Variants in ADAM20 observed in about 807,000 individuals in gnomAD.
The protein encoded by ADAM20 is ADAM metallopeptidase domain 20.
For synonymous variants in ADAM20, 305 were observed against 310.2 expected, an observed-to-expected ratio of 0.98 and a Z score of 0.18; for missense variants, 871 against 883.2, an observed-to-expected ratio of 0.99 and a Z score of 0.18.
chr14:70,554,115 AT>A, the ADAM20 span, among the ~76,000 whole-genome samples: 1 of 152,226 alleles, frequency 6.6e-6, no homozygotes, highest in African/African-American at 2.4e-5. Flanking sequence ...GCATTTCTAT[AT>A]GATAACAGTG....
the ADAM20 span, among the ~76,000 whole-genome samples, chr14:70,570,327 A>C: frequency 6.6e-6 from 1 of 152,170 alleles, no homozygotes; most frequent in Non-Finnish European, 1.5e-5. Flanking sequence ...ACAACAAAGC[A>C]TCAACAAAAT....
At chr14:70,528,546 T>C (rs982161844) in intron 1 of ADAM20, among the ~76,000 whole-genome samples, 4 of 152,226 alleles carry the variant, frequency 2.6e-5, no homozygotes, top group Admixed American at 6.5e-5. Flanking sequence ...CCAGGTAGAA[T>C]TGGAGAATCC....
the ADAM20 span, among the ~76,000 whole-genome samples, chr14:70,555,875 CCT>C: frequency 2.0e-4 from 30 of 152,330 alleles, 1 homozygote; most frequent in Admixed American, 2.0e-3. Flanking sequence ...CTCCGTTAAA[CCT>C]CTCTCCTGCC....
At chr14:70,543,091 T>A in the ADAM20 span, among the ~76,000 whole-genome samples, 1 of 152,242 alleles carries the variant, frequency 6.6e-6, no homozygotes, top group Non-Finnish European at 1.5e-5. Context: ...TTTCAAAAAC[T>A]ATTGCACACC....
chr14:70,522,562 T>C lies in ADAM20; in HGVS notation c.*15A>G, dbSNP rs377263674. 4.5e-6 allele frequency: 7 copies of C among 1,547,198 alleles called. No homozygotes were observed. The African/African-American group carries it at 8.3e-5, about 18-fold the overall frequency. The stretch of plus-strand genomic sequence containing the variant: ...TGAAGTATAAAGTTTAGTCTCCTTC[T>C]TTTTCCCATTTCTCTTATCCTTCTT... On this transcript the variant is annotated 3_prime_UTR_variant, in exon 2 of 2. Transcript: ENST00000256389.
chr14:70,556,516 C>A, the ADAM20 span: 2 of 152,200 alleles, frequency 1.3e-5, no homozygotes, highest in Non-Finnish European at 2.9e-5. Flanking sequence ...ACCAAGCAAA[C>A]TTATGAAATC....
rs779433786 is a variant in ADAM20 at position 70,523,684 on chromosome 14, C to T, written c.1074G>A (p.Val358=). Residue 358 remains valine (V), a synonymous_variant, in exon 2 of 2, where the codon GTG becomes GTA. Coordinates refer to ENST00000256389, the MANE Select transcript of ADAM20 (RefSeq NM_003814.5). ...GCATTATGCACCACTGTAGCTCGCA[C>T]ACACACCACTGGGTGTCATGTTGCA... is the stretch of plus-strand genomic sequence containing the variant. ...LGMQHDTQWC[V]CELQWCIMHA... 22 of 1,614,098 alleles carry T rather than the reference C, an allele frequency of 1.4e-5. No homozygotes were observed. Among genetic ancestry groups the T allele is most frequent in the Non-Finnish European group, 1.9e-5 (22 of 1,179,978 alleles).
chr14:70,547,256 C>T, the ADAM20 span: 1 of 152,338 alleles, frequency 6.6e-6, no homozygotes, highest in Non-Finnish European at 1.5e-5. Context: ...TTGCTGAATT[C>T]TACTCAAGCT....
At chr14:70,565,468 A>T in the ADAM20 span, among the ~76,000 whole-genome samples, 1 of 152,192 alleles carries the variant, frequency 6.6e-6, no homozygotes, top group African/African-American at 2.4e-5. Flanking sequence ...CATTATAGTC[A>T]AAATGTCAAA....
Position 70,522,434 on chromosome 14 carries a change from G to T in ADAM20, c.*143C>A. The T allele has an allele frequency of 1.2e-6, 1 of 824,718 alleles. No homozygotes were observed. The highest frequency in any genetic ancestry group is 1.8e-6 in the Non-Finnish European group (1 of 543,318). 51.1% of individuals were successfully genotyped at this position (824,718 alleles called of 1,614,324 possible). ...GAATAGGCTAGGAATCCTTTGCTGT[G>T]ATAGCTAATGCTTGCAATCCTGACA... On this transcript the variant is annotated 3_prime_UTR_variant, in exon 2 of 2. Transcript: ENST00000256389.
chr14:70,534,046 G>A (rs1174490994), intron 1 of ADAM20, among the ~76,000 whole-genome samples: 2 of 123,132 alleles, frequency 1.6e-5, no homozygotes, highest in African/African-American at 6.3e-5. Context: ...TTGGGCCACC[G>A]TACTCTAGTC....
At chr14:70,532,603 G>C (rs191422232) in intron 1 of ADAM20, among the ~76,000 whole-genome samples, 39 of 152,294 alleles carry the variant, frequency 2.6e-4, no homozygotes, top group Non-Finnish European at 4.1e-4. Context: ...ATTGATGCAA[G>C]TATGTAGGGT....
chr14:70,526,399 G>C (rs1362485260), intron 1 of ADAM20, among the ~76,000 whole-genome samples: 1 of 152,126 alleles, frequency 6.6e-6, no homozygotes, highest in Non-Finnish European at 1.5e-5. Context: ...AGGATCACTA[G>C]ATGAGACCTC....
At chr14:70,541,641 C>T in the ADAM20 span, among the ~76,000 whole-genome samples, 1 of 152,046 alleles carries the variant, frequency 6.6e-6, no homozygotes, top group East Asian at 1.9e-4. Context: ...AAAGGTAAAA[C>T]TTGGCTTATT....
chr14:70,537,926 C>T (rs528660620), upstream of ADAM20, among the ~76,000 whole-genome samples: 89 of 152,216 alleles, frequency 5.8e-4, no homozygotes, highest in Middle Eastern at 3.4e-3. Flanking sequence ...CTTTCTTCTA[C>T]CTTATATCCC....
the ADAM20 span, among the ~76,000 whole-genome samples, chr14:70,555,367 AATC>A: frequency 6.6e-6 from 1 of 152,248 alleles, no homozygotes; most frequent in Admixed American, 6.5e-5. Flanking sequence ...GTGTATATCA[AATC>A]ATCAAGTTGT....
upstream of ADAM20, among the ~76,000 whole-genome samples, chr14:70,539,742 C>T (rs1883906773): frequency 6.6e-6 from 1 of 152,206 alleles, no homozygotes; most frequent in African/African-American, 2.4e-5. Flanking sequence ...GTATACTGTA[C>T]TTCTGCATAC....
chr14:70,577,700 C>A, the ADAM20 span, among the ~76,000 whole-genome samples: 6 of 152,134 alleles, frequency 3.9e-5, no homozygotes, highest in African/African-American at 1.2e-4. Flanking sequence ...TACAGACAGA[C>A]GTATGGACCA....
In ADAM20 at chr14:70,524,903, A is replaced by C; in HGVS notation, c.-146T>G. On this transcript the variant is annotated 5_prime_UTR_variant, in exon 2 of 2. Transcript: ENST00000256389. ...GGGATCTGTGTCCTGGTGGAGCTGGACCATCAGAGCTGCAGTGCTGAAAAT... is the reference window on the plus strand; with the variant it reads ...GGGATCTGTGTCCTGGTGGAGCTGGCCCATCAGAGCTGCAGTGCTGAAAAT... 1 of 1,607,250 alleles carries C rather than the reference A, an allele frequency of 6.2e-7. No individual in the cohort carries two copies. Among genetic ancestry groups the C allele is most frequent in the Non-Finnish European group, 8.5e-7 (1 of 1,176,874 alleles).
Sources: allele counts gnomAD v4.1 joint callset (sites outside exome capture counted in the v4.1 genomes callset), GRCh38; gene constraint gnomAD v4.1.1; transcripts MANE v1.5; gene names NCBI Gene and HGNC (gene_info 2026-07-23, HGNC 2026-07-21).